GALNT13: variants seen among roughly 807,000 people sequenced by gnomAD.
The protein encoded by GALNT13 is UDP-GalNAc:polypeptide N-acetylgalactosaminyltransferase 13.
Under a neutral mutation model 64.2 loss-of-function variants are expected in GALNT13, and 28 were observed. The observed-to-expected ratio is 0.44, with a 90% CI of 0.32 to 0.60. The LOEUF is 0.60. Ranked by LOEUF, GALNT13 falls within the 20% of genes least tolerant of loss-of-function variation. The pLI, the probability that GALNT13 is intolerant of heterozygous loss-of-function variation, is 0.05. For missense variants in GALNT13, 577 were observed against 669.8 expected, an observed-to-expected ratio of 0.86 and a Z score of 1.53; for synonymous variants, 214 against 224.6, an observed-to-expected ratio of 0.95 and a Z score of 0.42.
chr2:153,624,227 TC>T, the GALNT13 span, among the ~76,000 whole-genome samples: 1 of 152,108 alleles, frequency 6.6e-6, no homozygotes, highest in Non-Finnish European at 1.5e-5. Context: ...CTTATTATGA[TC>T]CCAGAGTAAC....
chr2:153,559,919 C>T, the GALNT13 span, among the ~76,000 whole-genome samples: 4 of 151,972 alleles, frequency 2.6e-5, no homozygotes, highest in African/African-American at 7.2e-5. Context: ...TTCTAGCACA[C>T]GTTAATAGTA....
chr2:153,328,804 A>T, the GALNT13 span, among the ~76,000 whole-genome samples: 1 of 151,482 alleles, frequency 6.6e-6, no homozygotes, highest in South Asian at 2.1e-4. Flanking sequence ...CCCCTTTCCA[A>T]TGGAGTGAAT....
At chr2:153,739,615 GATTTT>G in the GALNT13 span, among the ~76,000 whole-genome samples, 2 of 112,664 alleles carry the variant, frequency 1.8e-5, no homozygotes, top group Admixed American at 1.0e-4. Context: ...TTAAAAATGA[GATTTT>G]ATTTATTATT....
At chr2:154,278,735 C>G (rs900142984) in intron 8 of GALNT13, among the ~76,000 whole-genome samples, 26 of 152,028 alleles carry the variant, frequency 1.7e-4, no homozygotes, top group African/African-American at 6.0e-4. Flanking sequence ...GTTTCATGAG[C>G]AGTTTCAGAT....
At chr2:154,205,396 C>T (rs1332084242) in intron 4 of GALNT13, among the ~76,000 whole-genome samples, 1 of 151,962 alleles carries the variant, frequency 6.6e-6, no homozygotes, top group Non-Finnish European at 1.5e-5. Context: ...GTTGCTAGTC[C>T]AAGCCAAAGT....
At chr2:153,279,282 A>G in the GALNT13 span, among the ~76,000 whole-genome samples, 3 of 152,170 alleles carry the variant, frequency 2.0e-5, no homozygotes, top group East Asian at 1.9e-4. Context: ...ATTTCTAGGT[A>G]TAGAACTATA....
At chr2:154,283,719 G>A (rs779905395) in intron 8 of GALNT13, among the ~76,000 whole-genome samples, 1 of 151,958 alleles carries the variant, frequency 6.6e-6, no homozygotes, top group Non-Finnish European at 1.5e-5. Flanking sequence ...GTGTGTGTGT[G>A]TATATACACA....
intron 3 of GALNT13, among the ~76,000 whole-genome samples, chr2:154,054,989 A>G (rs1479640570): frequency 6.6e-6 from 1 of 151,966 alleles, no homozygotes; most frequent in African/African-American, 2.4e-5. Context: ...AGGTGAAATA[A>G]TTTCCATTGT....
At chr2:153,421,698 C>A in the GALNT13 span, 1 of 294,884 alleles carries the variant, frequency 3.4e-6, no homozygotes. Context: ...TGATGAGCTG[C>A]TCAGGGTGGA....
chr2:153,646,670 T>A, the GALNT13 span, among the ~76,000 whole-genome samples: 3 of 152,152 alleles, frequency 2.0e-5, no homozygotes, highest in South Asian at 2.1e-4. Context: ...TGTCCATGTG[T>A]TCTCATTGTT....
At chr2:154,132,450 A>G (rs1158340497) in intron 3 of GALNT13, among the ~76,000 whole-genome samples, 2 of 152,024 alleles carry the variant, frequency 1.3e-5, no homozygotes, top group African/African-American at 2.4e-5. Flanking sequence ...TCTATGCATC[A>G]TTTTAATCAC....
chr2:153,960,606 G>A (rs559645659), intron 3 of GALNT13, among the ~76,000 whole-genome samples: 1 of 152,292 alleles, frequency 6.6e-6, no homozygotes, highest in Non-Finnish European at 1.5e-5. Flanking sequence ...TAATCGTTGG[G>A]TCATTGCCAT....
At chr2:153,308,987 G>A in the GALNT13 span, among the ~76,000 whole-genome samples, 1 of 152,052 alleles carries the variant, frequency 6.6e-6, no homozygotes, top group African/African-American at 2.4e-5. Context: ...CATAGCAGTT[G>A]AAATGTGGGT....
chr2:154,387,896 A>T (rs1426666330), intron 9 of GALNT13, among the ~76,000 whole-genome samples: 1 of 152,174 alleles, frequency 6.6e-6, no homozygotes, highest in Admixed American at 6.6e-5. Flanking sequence ...GAGTGCAGAT[A>T]TCCCTTTGAC....
At chr2:154,031,438 T>C (rs1002174506) in intron 3 of GALNT13, among the ~76,000 whole-genome samples, 1 of 151,952 alleles carries the variant, frequency 6.6e-6, no homozygotes, top group Non-Finnish European at 1.5e-5. Flanking sequence ...GAAAATAGTC[T>C]AAACACATTA....
At chr2:153,780,960 T>C in the GALNT13 span, among the ~76,000 whole-genome samples, 1 of 152,188 alleles carries the variant, frequency 6.6e-6, no homozygotes, top group Admixed American at 6.5e-5. Context: ...TGATAAACTC[T>C]ATGTTAATTT....
chr2:153,374,965 C>T, the GALNT13 span, among the ~76,000 whole-genome samples: 1 of 152,110 alleles, frequency 6.6e-6, no homozygotes, highest in South Asian at 2.1e-4. Context: ...GTAAATAATC[C>T]TTTCATTCGA....
At chr2:154,083,074 GA>G (rs1485894549) in intron 3 of GALNT13, among the ~76,000 whole-genome samples, 1 of 151,878 alleles carries the variant, frequency 6.6e-6, no homozygotes, top group Non-Finnish European at 1.5e-5. Flanking sequence ...AATCCATCCT[GA>G]GTTAATTTTT....
chr2:154,287,473 G>C (rs539897345), intron 8 of GALNT13: 3 of 356,746 alleles, frequency 8.4e-6, no homozygotes, highest in Non-Finnish European at 1.6e-5. Flanking sequence ...CCACAGCCCA[G>C]TGATTCTTAA....
Sources: allele counts gnomAD v4.1 joint callset (sites outside exome capture counted in the v4.1 genomes callset), GRCh38; gene constraint gnomAD v4.1.1; transcripts MANE v1.5; gene names NCBI Gene and HGNC (gene_info 2026-07-23, HGNC 2026-07-21).